PIK3C2G: variants seen among roughly 807,000 people sequenced by gnomAD.
PIK3C2G encodes phosphatidylinositol-4-phosphate 3-kinase catalytic subunit type 2 gamma, also known as phosphatidylinositol 3-kinase C2 domain-containing subunit gamma.
In PIK3C2G, 168 loss-of-function variants were observed where a neutral mutation model predicts 181.1. The observed-to-expected ratio is 0.93, with a 90% CI of 0.82 to 1.05. PIK3C2G has a LOEUF of 1.05. PIK3C2G is among the 50% of genes least tolerant of loss of function. The pLI is 0.00. For synonymous variants in PIK3C2G, 573 were observed against 592.2 expected (o/e 0.97, Z 0.47); for missense variants, 1,869 against 1,732.8 (o/e 1.08, Z -1.40).
At chr12:18,373,714 G>A (rs918926389) in intron 13 of PIK3C2G, among the ~76,000 whole-genome samples, 3 of 152,032 alleles carry the variant, frequency 2.0e-5, no homozygotes, top group African/African-American at 4.8e-5. Flanking sequence ...TTAGCCGGCC[G>A]TGGTGGCAGG....
At chr12:18,254,175 T>C (rs1948121637) in intron 1 of PIK3C2G, among the ~76,000 whole-genome samples, 1 of 152,168 alleles carries the variant, frequency 6.6e-6, no homozygotes, top group Admixed American at 6.5e-5. Flanking sequence ...TTTGTGTACT[T>C]TGTATTAGTT....
chr12:18,450,511 A>C (rs1282611504), intron 18 of PIK3C2G, among the ~76,000 whole-genome samples: 1 of 151,840 alleles, frequency 6.6e-6, no homozygotes, highest in African/African-American at 2.4e-5. Context: ...GATTGCAAAA[A>C]TGTTCCCTCC....
chr12:18,317,849 GAAT>G (rs1950935805), intron 6 of PIK3C2G, among the ~76,000 whole-genome samples: 1 of 152,162 alleles, frequency 6.6e-6, no homozygotes, highest in South Asian at 2.1e-4. Context: ...CAAAAAATGT[GAAT>G]AATAACAGTT....
upstream of PIK3C2G, among the ~76,000 whole-genome samples, chr12:18,244,733 T>C (rs560775679): frequency 1.3e-5 from 2 of 152,222 alleles, no homozygotes; most frequent in Admixed American, 1.3e-4. Context: ...GATCCAGTCT[T>C]GTCCTGGGGA....
intron 8 of PIK3C2G, among the ~76,000 whole-genome samples, chr12:18,331,727 G>T (rs1019445812): frequency 6.6e-6 from 1 of 152,008 alleles, no homozygotes; most frequent in Middle Eastern, 3.4e-3. Flanking sequence ...CAGAATCCCC[G>T]CCTTGCTATT....
Position 18,572,860 on chromosome 12 carries a change from T to G in PIK3C2G, c.4011+5803T>G, listed in dbSNP as rs568186945. Reference sequence around the variant, plus strand: ...TTATTAATTCTCTTTTATCTGTGTTTAATATGTTATTAAACTCATTCTTTG... The same window carrying G: ...TTATTAATTCTCTTTTATCTGTGTTGAATATGTTATTAAACTCATTCTTTG... On this transcript the variant is annotated intron_variant, in intron 29 of 32. Transcript: ENST00000538779. Among the ~76,000 whole-genome samples the G allele has an allele frequency of 3.5e-4, 54 of 152,294 alleles. 1 individual carries two copies. In the South Asian group the frequency reaches 8.9e-3, roughly 25 times the overall value.
At chr12:18,632,290 A>T (rs569511865) in intron 31 of PIK3C2G, among the ~76,000 whole-genome samples, 1 of 152,202 alleles carries the variant, frequency 6.6e-6, no homozygotes, top group Admixed American at 6.5e-5. Context: ...ATGTTTATTC[A>T]GCCTTACTGC....
intron 13 of PIK3C2G, among the ~76,000 whole-genome samples, chr12:18,378,649 A>C (rs189413805): frequency 3.6e-4 from 55 of 152,314 alleles, no homozygotes; most frequent in African/African-American, 1.3e-3. Flanking sequence ...AGAATCTACA[A>C]AGAACTCAAA....
chr12:18,515,757 G>A (rs1158263272), intron 24 of PIK3C2G, among the ~76,000 whole-genome samples: 2 of 151,606 alleles, frequency 1.3e-5, no homozygotes, highest in African/African-American at 2.4e-5. Flanking sequence ...CTAATTTGGG[G>A]CTTAGTTTGT....
intron 18 of PIK3C2G, among the ~76,000 whole-genome samples, chr12:18,457,747 C>A (rs966574493): frequency 1.3e-5 from 2 of 152,016 alleles, no homozygotes; most frequent in Non-Finnish European, 2.9e-5. Context: ...CCAGTGATAG[C>A]CATAGTAGAG....
At chr12:18,532,288 T>G (rs920205590) in intron 24 of PIK3C2G, among the ~76,000 whole-genome samples, 17 of 152,330 alleles carry the variant, frequency 1.1e-4, no homozygotes, top group Middle Eastern at 3.4e-3. Flanking sequence ...TACTGGCAGT[T>G]TGCTGGCTAT....
chr12:18,581,740 C>G (rs2136426885), intron 29 of PIK3C2G, among the ~76,000 whole-genome samples: 1 of 152,214 alleles, frequency 6.6e-6, no homozygotes, highest in East Asian at 1.9e-4. Flanking sequence ...GGAAGTTAGG[C>G]TGGAAATACT....
At chr12:18,528,890 C>A (rs1943388167) in intron 24 of PIK3C2G, among the ~76,000 whole-genome samples, 1 of 152,180 alleles carries the variant, frequency 6.6e-6, no homozygotes, top group African/African-American at 2.4e-5. Flanking sequence ...TTTAAAGTCT[C>A]ATATGTACTT....
intron 30 of PIK3C2G, among the ~76,000 whole-genome samples, chr12:18,608,187 C>A (rs1428756337): frequency 6.6e-6 from 1 of 152,068 alleles, no homozygotes; most frequent in East Asian, 1.9e-4. Context: ...TACCATTAGA[C>A]CCAGCCATCC....
chr12:18,256,932 T>C (rs2136974400), upstream of PIK3C2G, among the ~76,000 whole-genome samples: 1 of 152,206 alleles, frequency 6.6e-6, no homozygotes, highest in South Asian at 2.1e-4. Flanking sequence ...TAAAAATTTA[T>C]GTCTCACTAA....
At chr12:18,688,396 GTAGA>G in the PIK3C2G span, among the ~76,000 whole-genome samples, 2 of 151,950 alleles carry the variant, frequency 1.3e-5, no homozygotes, top group Admixed American at 6.6e-5. Context: ...TCAGTTATCA[GTAGA>G]TAAACACCAA....
chr12:18,667,760 C>T, the PIK3C2G span, among the ~76,000 whole-genome samples: 18 of 152,262 alleles, frequency 1.2e-4, no homozygotes, highest in South Asian at 2.5e-3. Context: ...AAATGAAACT[C>T]TATAAAGTTA....
At chr12:18,713,139 G>T in the PIK3C2G span, among the ~76,000 whole-genome samples, 1 of 152,072 alleles carries the variant, frequency 6.6e-6, no homozygotes, top group African/African-American at 2.4e-5. Flanking sequence ...GACAAGTTTT[G>T]AGTCTCTAGA....
chr12:18,506,259 G>A (rs914739525), intron 24 of PIK3C2G, among the ~76,000 whole-genome samples: 10 of 152,162 alleles, frequency 6.6e-5, no homozygotes, highest in South Asian at 6.2e-4. Context: ...AGATGGGATG[G>A]AGAGGGGCGG....
Sources: allele counts gnomAD v4.1 joint callset (sites outside exome capture counted in the v4.1 genomes callset), GRCh38; gene constraint gnomAD v4.1.1; transcripts MANE v1.5; gene names NCBI Gene and HGNC (gene_info 2026-07-23, HGNC 2026-07-21).